Variants in SOX6 observed in about 807,000 individuals in gnomAD.
SOX6 encodes the protein SRY-box transcription factor 6, also known as transcription factor SOX-6.
In SOX6, 11 loss-of-function variants were observed where a neutral mutation model predicts 97.8. That is an observed-to-expected ratio of 0.11 (90% CI 0.07 to 0.19). The LOEUF (loss-of-function observed/expected upper bound fraction) is 0.19. Among genes scored for constraint, SOX6 ranks in the 10% least tolerant of loss-of-function variants. The pLI is 1.00. For synonymous variants in SOX6, 360 were observed against 371.4 expected (o/e 0.97, Z 0.35); for missense variants, 810 against 1,039.5 (o/e 0.78, Z 3.04).
chr11:16,554,224 C>A (rs1281227096), intron 4 of SOX6, among the ~76,000 whole-genome samples: 1 of 152,044 alleles, frequency 6.6e-6, no homozygotes, highest in South Asian at 2.1e-4. Flanking sequence ...GCTTAAAACC[C>A]TTTGATAACA....
At chr11:16,391,438 T>C (rs1858179903) in intron 1 of SOX6, among the ~76,000 whole-genome samples, 1 of 152,206 alleles carries the variant, frequency 6.6e-6, no homozygotes, top group Non-Finnish European at 1.5e-5. Context: ...TGTGTCTGTC[T>C]TGCTGACAAA....
chr11:16,499,321 A>G (rs1352064341), intron 4 of SOX6, among the ~76,000 whole-genome samples: 1 of 152,208 alleles, frequency 6.6e-6, no homozygotes, highest in African/African-American at 2.4e-5. Flanking sequence ...GTGTAGAGGG[A>G]AATTTATAGC....
intron 12 of SOX6, 141 bp from the exon 13 acceptor site, chr11:16,015,191 G>A: frequency 1.3e-6 from 1 of 756,878 alleles, no homozygotes. Flanking sequence ...AATCTTTCAG[G>A]AAGATTCCGT....
At position 16,171,785 on chromosome 11, in the gene SOX6, T is replaced by C. The variant is rs113076536; in HGVS notation, c.777+12101A>G. ...TGAAAGATATTAGAATTTTAGTGAGTAATTACCCTATTTACTACAAACAAA... is the reference window on the plus strand; with the variant it reads ...TGAAAGATATTAGAATTTTAGTGAGCAATTACCCTATTTACTACAAACAAA... On this transcript the variant is annotated intron_variant, in intron 6 of 15. Transcript: ENST00000683767. Among the ~76,000 whole-genome samples the C allele has an allele frequency of 8.0e-3, 1,222 of 151,858 alleles. 17 individuals carry two copies. The highest frequency in any genetic ancestry group is 0.027 in the African/African-American group (1,136 of 41,456).
chr11:16,143,145 C>T (rs561411100), intron 6 of SOX6, among the ~76,000 whole-genome samples: 8 of 152,154 alleles, frequency 5.3e-5, no homozygotes, highest in South Asian at 2.1e-4. Flanking sequence ...AGACTAACAG[C>T]GGATCTCTCA....
At chr11:16,392,320 C>A (rs570695173) in intron 1 of SOX6, among the ~76,000 whole-genome samples, 1 of 152,042 alleles carries the variant, frequency 6.6e-6, no homozygotes. Flanking sequence ...ATTAATTCAA[C>A]AAATGCTTAA....
chr11:16,667,144 G>A (rs1430293056), intron 3 of SOX6, among the ~76,000 whole-genome samples: 1 of 151,906 alleles, frequency 6.6e-6, no homozygotes, highest in Admixed American at 6.6e-5. Flanking sequence ...GGAGGCTGAG[G>A]TAGAAGGATG....
upstream of SOX6, among the ~76,000 whole-genome samples, chr11:16,480,673 T>A (rs1860327939): frequency 6.8e-6 from 1 of 146,266 alleles, no homozygotes; most frequent in African/African-American, 2.4e-5. Context: ...TTTTATTATG[T>A]GAGTTAGCAA....
At chr11:16,568,258 A>G (rs1847898825) in intron 4 of SOX6, among the ~76,000 whole-genome samples, 1 of 152,226 alleles carries the variant, frequency 6.6e-6, no homozygotes, top group Non-Finnish European at 1.5e-5. Context: ...ATTTCAGATA[A>G]GGGATACTCG....
intron 3 of SOX6, among the ~76,000 whole-genome samples, chr11:16,290,947 C>T (rs1854892059): frequency 6.6e-6 from 1 of 151,982 alleles, no homozygotes; most frequent in South Asian, 2.1e-4. Context: ...TGTGTCAGTA[C>T]ATTGTGGAGC....
chr11:16,619,949 A>G (rs952825942), intron 3 of SOX6, among the ~76,000 whole-genome samples: 7 of 152,134 alleles, frequency 4.6e-5, no homozygotes, highest in African/African-American at 1.7e-4. Flanking sequence ...GATGTATTTG[A>G]CTTTATTCTA....
chr11:16,032,463 T>C (rs1855403900), intron 12 of SOX6, among the ~76,000 whole-genome samples: 1 of 152,180 alleles, frequency 6.6e-6, no homozygotes. Flanking sequence ...AGATTTACAA[T>C]CCTATATCAC....
intron 12 of SOX6, among the ~76,000 whole-genome samples, chr11:16,043,586 TTCTATAAGTAC>T (rs2133903119): frequency 6.6e-6 from 1 of 152,290 alleles, no homozygotes; most frequent in African/African-American, 2.4e-5. Context: ...ACATATATGA[TTCTATAAGTAC>T]TGTAAAGACA....
intron 6 of SOX6, among the ~76,000 whole-genome samples, chr11:16,144,218 C>T (rs1366244827): frequency 6.6e-6 from 1 of 152,222 alleles, no homozygotes; most frequent in East Asian, 1.9e-4. Flanking sequence ...CACTCAACTA[C>T]ATGGAAACTG....
At chr11:16,132,501 A>AAGCAAGCAAGCAAGCAAGCAAGC in intron 6 of SOX6, among the ~76,000 whole-genome samples, 1 of 81,194 alleles carries the variant, frequency 1.2e-5, no homozygotes, top group African/African-American at 3.9e-5. Context: ...AGAAAGAAAG[A>AAGCAAGCAAGCAAGCAAGCAAGC]AAGAAAGCTT....
At chr11:16,622,350 AGATTTGGGTACACCCACCACCTGAGCCG>A in intron 3 of SOX6, among the ~76,000 whole-genome samples, 1 of 152,178 alleles carries the variant, frequency 6.6e-6, no homozygotes, top group Non-Finnish European at 1.5e-5. Flanking sequence ...GTGATTTCTG[AGATTTGGGTACACCCACCACCTGAGCCG>A]TGTACACTGT....
chr11:16,533,780 G>A (rs538845648), intron 4 of SOX6, among the ~76,000 whole-genome samples: 19 of 152,126 alleles, frequency 1.2e-4, no homozygotes, highest in African/African-American at 4.3e-4. Flanking sequence ...ATAAATTTGT[G>A]TCATTTTTTA....
intron 7 of SOX6, among the ~76,000 whole-genome samples, chr11:16,108,818 A>G (rs191369927): frequency 1.1e-4 from 17 of 152,290 alleles, no homozygotes; most frequent in Admixed American, 8.5e-4. Flanking sequence ...CCAGAGGCAC[A>G]GGTCAAATCA....
chr11:16,523,726 A>G (rs1590232839), intron 4 of SOX6, among the ~76,000 whole-genome samples: 1 of 152,328 alleles, frequency 6.6e-6, no homozygotes, highest in East Asian at 1.9e-4. Context: ...CAAAATTGAT[A>G]GACCACTAGC....
Sources: allele counts gnomAD v4.1 joint callset (sites outside exome capture counted in the v4.1 genomes callset), GRCh38; gene constraint gnomAD v4.1.1; transcripts MANE v1.5; gene names NCBI Gene and HGNC (gene_info 2026-07-23, HGNC 2026-07-21).